The following QSER1 variants were observed in gnomAD, a reference collection of about 807,000 sequenced individuals.
The protein encoded by QSER1 is glutamine and serine-rich protein 1.
A neutral mutation model predicts 158.5 loss-of-function variants in QSER1; 49 were observed. The ratio of observed to expected loss-of-function variants is 0.31; its 90% CI spans 0.25 to 0.39. QSER1 has a LOEUF of 0.39. Ranked by LOEUF, QSER1 falls within the 10% of genes least tolerant of loss-of-function variation. The pLI is 1.00. For missense variants in QSER1, 1,754 were observed against 2,010.3 expected (o/e 0.87, Z 2.44); for synonymous variants, 650 against 715.5 (o/e 0.91, Z 1.46).
intron 4 of QSER1, among the ~76,000 whole-genome samples, chr11:32,949,799 A>T (rs746879457): frequency 7.2e-5 from 11 of 152,224 alleles, no homozygotes; most frequent in Non-Finnish European, 1.2e-4. Context: ...GTATAAATAT[A>T]TGAGAATAGC....
intron 1 of QSER1, among the ~76,000 whole-genome samples, chr11:32,894,225 C>G (rs1397541124): frequency 6.6e-6 from 1 of 152,084 alleles, no homozygotes; most frequent in Middle Eastern, 3.2e-3. Flanking sequence ...ATTTTGACTC[C>G]TACTTGATAT....
chr11:32,898,506 AC>A, intron 1 of QSER1, among the ~76,000 whole-genome samples: 1 of 151,834 alleles, frequency 6.6e-6, no homozygotes, highest in South Asian at 2.1e-4. Flanking sequence ...ACACACACAC[AC>A]ACACACACAC....
At position 32,933,303 on chromosome 11, in the gene QSER1, A is replaced by G; in HGVS notation, c.2045A>G (p.Asp682Gly). 6.2e-7 allele frequency: 1 copy of G among 1,610,756 alleles called. No homozygotes were observed. The highest frequency in any genetic ancestry group is 1.1e-5 in the South Asian group (1 of 90,290). Residue 682 changes from aspartate (D) to glycine (G), a missense_variant, in exon 4 of 13, where the codon GAT becomes GGT. By Grantham distance (94) the Asp-to-Gly change is moderately conservative (BLOSUM62 -1). Transcript: ENST00000650167. ...KSYAERKLDS[D>G]VYPSSKQEDG... Reference sequence around the variant, plus strand: ...TATGCTGAAAGAAAGCTTGACTCAGATGTGTATCCATCTTCAAAGCAAGAA... The same window carrying G: ...TATGCTGAAAGAAAGCTTGACTCAGGTGTGTATCCATCTTCAAAGCAAGAA...
intron 1 of QSER1, among the ~76,000 whole-genome samples, chr11:32,919,025 A>G (rs1851869341): frequency 6.6e-6 from 1 of 152,208 alleles, no homozygotes; most frequent in Non-Finnish European, 1.5e-5. Flanking sequence ...CAGTTAATGA[A>G]CCAATATTAA....
At chr11:32,952,618 T>G (rs910954607) in intron 4 of QSER1, among the ~76,000 whole-genome samples, 1 of 152,206 alleles carries the variant, frequency 6.6e-6, no homozygotes, top group Non-Finnish European at 1.5e-5. Flanking sequence ...CCTCACAGAA[T>G]GAGTTGGGAA....
chr11:32,898,960 C>T (rs1851591643), intron 1 of QSER1, among the ~76,000 whole-genome samples: 1 of 152,238 alleles, frequency 6.6e-6, no homozygotes, highest in African/African-American at 2.4e-5. Flanking sequence ...CCTATCCCCA[C>T]CTCCCAGACT....
intron 1 of QSER1, among the ~76,000 whole-genome samples, chr11:32,910,925 T>G (rs868564569): frequency 6.6e-6 from 1 of 152,226 alleles, no homozygotes; most frequent in Non-Finnish European, 1.5e-5. Context: ...CACAGAACTT[T>G]GTAGCGCGAG....
In QSER1 at chr11:32,935,411, A is replaced by C. The variant is rs1852137477; in HGVS notation, c.4153A>C (p.Thr1385Pro). The change falls in exon 4 of 13, where the codon ACT becomes CCT. Residue 1385 changes from threonine to proline, a missense_variant. This residue lies in a region of QSER1 where 1,707 missense variants were observed against 1,919.6 expected (regional missense o/e 0.89). Coordinates refer to ENST00000650167, the MANE Select transcript of QSER1 (RefSeq NM_001076786.3). ...TACTCCCTTAACTACTTTGGATGCT[A>C]CTTCTGATAAAAAGAAGAAAACAGG... ...VSTPLTTLDA[T>P]SDKKKKTEAL... The C allele has an allele frequency of 2.0e-6, 3 of 1,520,708 alleles. No homozygotes were observed. The highest frequency in any genetic ancestry group is 2.8e-5 in the African/African-American group (2 of 71,698). The allele number at this position is 1,520,708 out of a possible 1,614,324, so 94.2% of individuals were successfully genotyped here. A position where few individuals can be genotyped will look rare whatever the true frequency, so the allele number is the denominator to read the frequency against.
In QSER1 at chr11:32,932,910, A is replaced by C. The variant is rs768406896; in HGVS notation, c.1652A>C (p.Gln551Pro). Reference protein sequence around the residue: ...AQTRDLSSVSQSQSYSSGHSQ... With the variant: ...AQTRDLSSVSPSQSYSSGHSQ... ...ACAAGAGATCTGTCTTCAGTAAGTCAGTCTCAAAGTTACTCATCTGGTCAC... is the reference window on the plus strand; with the variant it reads ...ACAAGAGATCTGTCTTCAGTAAGTCCGTCTCAAAGTTACTCATCTGGTCAC... Residue 551 changes from glutamine to proline, a missense_variant, in exon 4 of 13, where the codon CAG becomes CCG. Gln to Pro is a moderately conservative substitution (Grantham distance 76, BLOSUM62 -1). This residue lies in a region of QSER1 where 1,707 missense variants were observed against 1,919.6 expected (regional missense o/e 0.89). Transcript: ENST00000650167. The C allele has an allele frequency of 6.2e-7, 1 of 1,613,994 alleles. No homozygotes were observed. Among genetic ancestry groups the C allele is most frequent in the Non-Finnish European group, 8.5e-7 (1 of 1,179,950 alleles).
intron 1 of QSER1, among the ~76,000 whole-genome samples, chr11:32,917,643 T>A (rs916858791): frequency 5.3e-5 from 8 of 151,910 alleles, no homozygotes; most frequent in African/African-American, 1.9e-4. Context: ...CTAGCCAACA[T>A]GGTGAAACCC....
At chr11:32,953,471 A>T (rs1309355458) in intron 4 of QSER1, among the ~76,000 whole-genome samples, 1 of 151,854 alleles carries the variant, frequency 6.6e-6, no homozygotes, top group Non-Finnish European at 1.5e-5. Flanking sequence ...TTCGCATCTC[A>T]TCCTCCTGAT....
chr11:32,930,591 T>C (rs1852032306), intron 3 of QSER1, among the ~76,000 whole-genome samples: 2 of 152,296 alleles, frequency 1.3e-5, no homozygotes, highest in East Asian at 3.9e-4. Context: ...AATTAACAGT[T>C]TGTTATTTTT....
intron 1 of QSER1, among the ~76,000 whole-genome samples, chr11:32,914,269 G>T (rs1935502664): frequency 6.6e-6 from 1 of 152,192 alleles, no homozygotes; most frequent in Admixed American, 6.5e-5. Flanking sequence ...TATTCTACAA[G>T]ATTATGTACT....
rs1200319262 is a variant in QSER1 at position 32,916,777 on chromosome 11, ACT to A, written c.210-10377_210-10376del. On this transcript the variant is annotated intron_variant, in intron 1 of 12. Coordinates refer to ENST00000650167, the MANE Select transcript of QSER1 (RefSeq NM_001076786.3). ...TTGAAACATTGTTATGTTGGGCATGACTCTATTTTTTTTTTTTTTGAGATGGA... is the reference window on the plus strand; with the variant it reads ...TTGAAACATTGTTATGTTGGGCATGACTATTTTTTTTTTTTTTGAGATGGA... 6.9e-5 allele frequency among the ~76,000 whole-genome samples: 7 copies of A among 101,620 alleles called. No homozygotes were observed. The South Asian group carries it at 3.2e-3, about 47-fold the overall frequency. 66.7% of individuals were successfully genotyped at this position (101,620 alleles called of 152,430 possible).
At chr11:32,950,022 T>C (rs946313181) in intron 4 of QSER1, among the ~76,000 whole-genome samples, 12 of 152,200 alleles carry the variant, frequency 7.9e-5, no homozygotes, top group African/African-American at 2.7e-4. Context: ...AGTACAGCTT[T>C]TGCATTTTAG....
At chr11:32,923,000 A>G (rs1455190019) in intron 1 of QSER1, among the ~76,000 whole-genome samples, 1 of 152,218 alleles carries the variant, frequency 6.6e-6, no homozygotes, top group African/African-American at 2.4e-5. Flanking sequence ...AAACTTATGC[A>G]CATGTGTATA....
chr11:32,932,695 T>A lies in QSER1; in HGVS notation c.1437T>A (p.His479Gln). 3 of 1,614,194 alleles carry A rather than the reference T, an allele frequency of 1.9e-6. No homozygotes were observed. Among genetic ancestry groups the A allele is most frequent in the Non-Finnish European group, 2.5e-6 (3 of 1,180,014 alleles). ...QSQNYGLVQP[H>Q]NVPSIVHSQV... is the part of the protein sequence containing the mutation. ...AAAATTACGGTTTAGTACAGCCACA[T>A]AATGTGCCATCTATTGTTCATTCAC... The change falls in exon 4 of 13, where the codon CAT (histidine) becomes CAA (glutamine). Residue 479 changes from histidine to glutamine, a missense_variant. Transcript: ENST00000650167.
At chr11:32,915,793 G>A (rs1851823114) in intron 1 of QSER1, among the ~76,000 whole-genome samples, 1 of 152,162 alleles carries the variant, frequency 6.6e-6, no homozygotes, top group African/African-American at 2.4e-5. Flanking sequence ...ATATGGAGAT[G>A]GGCCAACCAT....
intron 8 of QSER1, among the ~76,000 whole-genome samples, chr11:32,958,483 G>A (rs1451879131): frequency 6.6e-6 from 1 of 151,968 alleles, no homozygotes; most frequent in Non-Finnish European, 1.5e-5. Context: ...GAACACCTGG[G>A]CTCGTAACTC....
Sources: gnomAD v4.1 joint callset for allele counts (sites outside exome capture counted in the v4.1 genomes callset) on GRCh38, gnomAD v4.1.1 for gene constraint, gnomAD v4.1.1 regional missense constraint, MANE v1.5 for transcripts, NCBI Gene and HGNC (gene_info 2026-07-23, HGNC 2026-07-21) for gene names.